The following KYNU variants were observed in gnomAD, a reference collection of about 807,000 sequenced individuals.
The protein encoded by KYNU is kynureninase.
In KYNU, 54 loss-of-function variants were observed where a neutral mutation model predicts 59.2. The ratio of observed to expected loss-of-function variants is 0.91; its 90% CI spans 0.73 to 1.14. The LOEUF is 1.14. KYNU is among the 50% of genes most tolerant of loss of function. KYNU has a pLI of 0.00. For synonymous variants in KYNU, 177 were observed against 192.0 expected (o/e 0.92, Z 0.65); for missense variants, 567 against 554.4 (o/e 1.02, Z -0.23).
rs1246973453 is a variant in KYNU at position 143,043,749 on chromosome 2, TTATA to T, written c.*1583_*1586del. 10 of 143,114 alleles carry T rather than the reference TTATA, an allele frequency of 7.0e-5. No homozygotes were observed. The South Asian group carries it at 2.0e-3, about 28-fold the overall frequency. The allele number at this position is 143,114 out of a possible 1,614,324, so 8.9% of individuals were successfully genotyped here. A position where few individuals can be genotyped will look rare whatever the true frequency, so the allele number is the denominator to read the frequency against. On this transcript the variant is annotated 3_prime_UTR_variant, in exon 14 of 14. Transcript: ENST00000264170. ...AAAAATATATATAAATATATATACT[TTATA>T]TATATTTATATTTATATATTTATAT...
intron 10 of KYNU, among the ~76,000 whole-genome samples, chr2:143,000,817 G>C (rs1031196771): frequency 6.6e-6 from 1 of 152,122 alleles, no homozygotes; most frequent in African/African-American, 2.4e-5. Context: ...TGCCCTGGGT[G>C]CTTTTTTTCC....
intron 2 of KYNU, among the ~76,000 whole-genome samples, chr2:142,888,444 C>T (rs145238854): frequency 2.6e-4 from 40 of 152,250 alleles, no homozygotes; most frequent in African/African-American, 9.4e-4. Flanking sequence ...GGTGACAGAG[C>T]AAGACCCTGT....
intron 4 of KYNU, among the ~76,000 whole-genome samples, chr2:142,945,794 G>A (rs148059465): frequency 0.011 from 1,589 of 150,038 alleles, 34 homozygotes; most frequent in African/African-American, 0.037. Flanking sequence ...CTGGAGTGCC[G>A]TGGCACAATC....
At chr2:142,944,502 A>G (rs531880328) in intron 4 of KYNU, among the ~76,000 whole-genome samples, 1 of 152,350 alleles carries the variant, frequency 6.6e-6, no homozygotes, top group South Asian at 2.1e-4. Flanking sequence ...TGAGTCATAG[A>G]TGATCTGATA....
chr2:143,026,748 CCGCAGTCCG>C (rs61190597), intron 10 of KYNU, among the ~76,000 whole-genome samples: 17,538 of 152,136 alleles, frequency 0.12, 1,075 homozygotes, highest in East Asian at 0.25. Context: ...TGTCCGCAGT[CCGCAGTCCG>C]CAGTCCGCAT....
intron 8 of KYNU, among the ~76,000 whole-genome samples, chr2:142,965,452 G>A (rs1294546376): frequency 6.6e-6 from 1 of 151,916 alleles, no homozygotes; most frequent in African/African-American, 2.4e-5. Flanking sequence ...TGAGGCAAGG[G>A]GCTGCTGGGG....
chr2:142,900,955 G>A (rs551687295), intron 2 of KYNU, among the ~76,000 whole-genome samples: 1 of 151,678 alleles, frequency 6.6e-6, no homozygotes, highest in African/African-American at 2.4e-5. Flanking sequence ...ACTTAACAAG[G>A]ATGTTAAAGA....
At chr2:142,877,868 T>TA (rs1450762604) in intron 1 of KYNU, 132 bp downstream of exon 1, 25 of 152,152 alleles carry the variant, frequency 1.6e-4, no homozygotes, top group African/African-American at 5.3e-4. Flanking sequence ...TCTTCTTTTT[T>TA]TATATATATT....
chr2:142,899,299 T>C (rs78134729), intron 2 of KYNU, among the ~76,000 whole-genome samples: 3,048 of 152,266 alleles, frequency 0.02, 96 homozygotes, highest in African/African-American at 0.069. Flanking sequence ...TCTCAGGCGA[T>C]ATATGATTTG....
At chr2:142,960,839 A>T (rs566686533) in intron 8 of KYNU, 69 bp downstream of exon 8, 6 of 1,448,792 alleles carry the variant, frequency 4.1e-6, no homozygotes, top group Non-Finnish European at 5.8e-6. Context: ...TTCTAATTGC[A>T]TGACTTGTGA....
chr2:142,940,353 T>G (rs936652540), intron 4 of KYNU, among the ~76,000 whole-genome samples: 1 of 152,208 alleles, frequency 6.6e-6, no homozygotes, highest in African/African-American at 2.4e-5. Flanking sequence ...AAAGAGAAGT[T>G]AGAATGTTTA....
intron 4 of KYNU, among the ~76,000 whole-genome samples, chr2:142,941,511 C>T (rs951473550): frequency 2.0e-5 from 3 of 152,082 alleles, no homozygotes; most frequent in South Asian, 2.1e-4. Flanking sequence ...CCTGAAACTT[C>T]GTAAAGAAAA....
chr2:142,961,831 C>T (rs1034482261), intron 8 of KYNU, among the ~76,000 whole-genome samples: 1 of 152,150 alleles, frequency 6.6e-6, no homozygotes, highest in African/African-American at 2.4e-5. Flanking sequence ...AGCAATCAAG[C>T]CATGTATTTA....
intron 10 of KYNU, among the ~76,000 whole-genome samples, chr2:142,996,356 T>C (rs1308515142): frequency 2.0e-5 from 3 of 152,164 alleles, no homozygotes; most frequent in Non-Finnish European, 4.4e-5. Context: ...TACCGAACAT[T>C]ATGAAAGAAT....
intron 2 of KYNU, among the ~76,000 whole-genome samples, chr2:142,891,813 A>G (rs1159650451): frequency 6.6e-6 from 1 of 152,226 alleles, no homozygotes; most frequent in African/African-American, 2.4e-5. Context: ...ATAAAAGGAC[A>G]TGTATTTATA....
intron 2 of KYNU, among the ~76,000 whole-genome samples, chr2:142,913,409 T>C (rs1352530044): frequency 1.3e-5 from 2 of 152,206 alleles, no homozygotes; most frequent in Non-Finnish European, 2.9e-5. Flanking sequence ...TTTTCATTTA[T>C]TTCAAATTTT....
At chr2:142,969,113 C>T (rs1026945316) in intron 8 of KYNU, among the ~76,000 whole-genome samples, 1 of 152,030 alleles carries the variant, frequency 6.6e-6, no homozygotes, top group Non-Finnish European at 1.5e-5. Context: ...TACTGAACTC[C>T]TGTAGTTTAA....
At chr2:142,943,294 G>A (rs989526468) in intron 4 of KYNU, among the ~76,000 whole-genome samples, 2 of 152,152 alleles carry the variant, frequency 1.3e-5, no homozygotes, top group South Asian at 4.1e-4. Flanking sequence ...GGTCGTGATT[G>A]AGTCTTCCAG....
At chr2:143,003,467 C>G (rs1196071221) in intron 10 of KYNU, among the ~76,000 whole-genome samples, 1 of 152,090 alleles carries the variant, frequency 6.6e-6, no homozygotes, top group African/African-American at 2.4e-5. Context: ...CCTATAATCC[C>G]CGCTATTCAG....
Sources: allele counts gnomAD v4.1 joint callset (sites outside exome capture counted in the v4.1 genomes callset), GRCh38; gene constraint gnomAD v4.1.1; transcripts MANE v1.5; gene names NCBI Gene and HGNC (gene_info 2026-07-23, HGNC 2026-07-21).